Variants in RYR2 observed in about 807,000 individuals in gnomAD.
RYR2 encodes the protein ryanodine receptor 2, also known as cardiac muscle ryanodine receptor-calcium release channel.
In RYR2, 227 loss-of-function variants were observed where a neutral mutation model predicts 601.1. The ratio of observed to expected loss-of-function variants is 0.38; its 90% CI spans 0.34 to 0.42. The LOEUF (loss-of-function observed/expected upper bound fraction) is 0.42, where lower values mean the gene tolerates loss of function less well. RYR2 is among the 10% of genes least tolerant of loss of function. RYR2 has a pLI of 1.00. For missense variants in RYR2, 4,646 were observed against 6,156.5 expected (o/e 0.75, Z 8.21); for synonymous variants, 2,223 against 2,175.1 (o/e 1.02, Z -0.61).
chr1:237,522,819 A>G (rs60855732), intron 24 of RYR2, among the ~76,000 whole-genome samples: 3 of 152,160 alleles, frequency 2.0e-5, no homozygotes, highest in Non-Finnish European at 2.9e-5. Flanking sequence ...CTACATTACC[A>G]ATCCCTACTG....
At chr1:237,364,399 G>T (rs1007214961) in intron 5 of RYR2, 27 bp downstream of exon 5, 19 of 1,291,806 alleles carry the variant, frequency 1.5e-5, no homozygotes, top group African/African-American at 3.0e-5. Context: ...TATATGCTAT[G>T]TATATATATA....
intron 80 of RYR2, among the ~76,000 whole-genome samples, chr1:237,745,017 G>A (rs1691954191): frequency 6.6e-6 from 1 of 151,464 alleles, no homozygotes; most frequent in Non-Finnish European, 1.5e-5. Context: ...TGGCCACAAT[G>A]GTCTTTATCT....
At chr1:237,505,574 A>G (rs1026089372) in intron 22 of RYR2, among the ~76,000 whole-genome samples, 1 of 152,214 alleles carries the variant, frequency 6.6e-6, no homozygotes, top group Non-Finnish European at 1.5e-5. Context: ...GTGGGAGGAT[A>G]TGTATAGTGC....
At chr1:237,484,891 T>C (rs1002510113) in intron 17 of RYR2, among the ~76,000 whole-genome samples, 6 of 151,792 alleles carry the variant, frequency 4.0e-5, no homozygotes, top group African/African-American at 1.5e-4. Context: ...TCTAGACATT[T>C]AGTTACATCC....
chr1:237,775,691 T>C (rs1288339602), intron 87 of RYR2, among the ~76,000 whole-genome samples: 2 of 152,186 alleles, frequency 1.3e-5, no homozygotes, highest in Non-Finnish European at 2.9e-5. Context: ...TAAGAGGACG[T>C]TGTATTGTCA....
rs368599791 is a variant in RYR2, at chr1:237,784,538, G to A, written c.12826G>A (p.Val4276Met). Residue 4276 changes from valine to methionine, a missense_variant, in exon 90 of 105, where the codon GTG becomes ATG. By Grantham distance (21) the Val-to-Met change is conservative. Transcript: ENST00000366574. This position sits in a 1 kb window ranked among gnomAD's most constrained non-coding sequence, Gnocchi z 7.1. ...KQMKKVKKMT[V>M]KDMVTAFFSS... Reference sequence around the variant, plus strand: ...GATGAAAAAAGTAAAAAAGATGACCGTGAAGGACATGGTCACGGCCTTCTT... The same window carrying A: ...GATGAAAAAAGTAAAAAAGATGACCATGAAGGACATGGTCACGGCCTTCTT... 45 of 1,613,834 alleles carry A rather than the reference G, an allele frequency of 2.8e-5. No individual in the cohort carries two copies. The highest frequency in any genetic ancestry group is 6.7e-5 in the Admixed American group (4 of 60,020).
intron 10 of RYR2, among the ~76,000 whole-genome samples, chr1:237,394,157 G>C (rs559261721): frequency 6.6e-6 from 1 of 152,248 alleles, no homozygotes; most frequent in East Asian, 1.9e-4. Flanking sequence ...AAGAAAAAAA[G>C]AAAGAGAAGC....
chr1:237,465,684 A>G (rs901609216), intron 16 of RYR2, among the ~76,000 whole-genome samples: 2 of 152,158 alleles, frequency 1.3e-5, no homozygotes, highest in African/African-American at 4.8e-5. Flanking sequence ...CTGCGCGGCT[A>G]CGCTATACTG....
chr1:237,244,698 T>G, intron 1 of RYR2, among the ~76,000 whole-genome samples: 1 of 152,120 alleles, frequency 6.6e-6, no homozygotes, highest in East Asian at 1.9e-4. Flanking sequence ...TTCCTTTCTC[T>G]TTCTTTCTCT....
At chr1:237,498,205 A>G (rs1192346107) in intron 20 of RYR2, among the ~76,000 whole-genome samples, 2 of 152,078 alleles carry the variant, frequency 1.3e-5, no homozygotes. Context: ...AGGTATATAT[A>G]TATTTATGGG....
intron 1 of RYR2, among the ~76,000 whole-genome samples, chr1:237,111,665 T>C (rs1426471457): frequency 2.6e-5 from 4 of 151,160 alleles, no homozygotes; most frequent in African/African-American, 9.7e-5. Flanking sequence ...TAAATGGAAA[T>C]GGCAAAAGAA....
intron 12 of RYR2, among the ~76,000 whole-genome samples, 178 bp downstream of exon 12, chr1:237,423,426 A>G (rs1705793827): frequency 6.6e-6 from 1 of 152,198 alleles, no homozygotes; most frequent in Non-Finnish European, 1.5e-5. Context: ...TTTCTAAACC[A>G]TTAAAACCTG....
At chr1:237,124,107 G>A (rs1284054239) in intron 1 of RYR2, among the ~76,000 whole-genome samples, 1 of 152,170 alleles carries the variant, frequency 6.6e-6, no homozygotes, top group East Asian at 1.9e-4. Context: ...GGAGAACAGG[G>A]TTACGGTGAG....
intron 91 of RYR2, among the ~76,000 whole-genome samples, 197 bp downstream of exon 91, chr1:237,786,233 G>C (rs531312746): frequency 2.9e-4 from 44 of 152,248 alleles, no homozygotes; most frequent in African/African-American, 1.0e-3. Context: ...AGACGCCCCC[G>C]GGGCTGCCAG....
At chr1:237,087,757 T>TC (rs1666512961) in intron 1 of RYR2, among the ~76,000 whole-genome samples, 1 of 151,404 alleles carries the variant, frequency 6.6e-6, no homozygotes, top group Admixed American at 6.6e-5. Flanking sequence ...CCTCCTACAT[T>TC]CCCCCCTCCA....
chr1:237,308,879 C>T (rs930969690), intron 2 of RYR2, among the ~76,000 whole-genome samples: 2 of 152,168 alleles, frequency 1.3e-5, no homozygotes, highest in Non-Finnish European at 2.9e-5. Context: ...TTACAGAGAG[C>T]TGATTGGTCT....
intron 1 of RYR2, among the ~76,000 whole-genome samples, chr1:237,091,264 G>C (rs1666917330): frequency 6.6e-6 from 1 of 152,140 alleles, no homozygotes; most frequent in Non-Finnish European, 1.5e-5. Context: ...CAAGCAGGTT[G>C]TTTCAGGATT....
intron 27 of RYR2, among the ~76,000 whole-genome samples, chr1:237,564,310 G>A (rs1175415271): frequency 6.6e-6 from 1 of 151,940 alleles, no homozygotes; most frequent in Non-Finnish European, 1.5e-5. Context: ...TTGCTCTGTT[G>A]CCCAGGCTAG....
chr1:237,441,730 C>T (rs1370304838), intron 13 of RYR2, among the ~76,000 whole-genome samples: 1 of 152,070 alleles, frequency 6.6e-6, no homozygotes, highest in East Asian at 1.9e-4. Context: ...ATATACAGTG[C>T]CGTCTTCTGG....
Sources: gnomAD v4.1 joint callset for allele counts (sites outside exome capture counted in the v4.1 genomes callset) on GRCh38, gnomAD v4.1.1 for gene constraint, Gnocchi (gnomAD v3.1) non-coding constraint, MANE v1.5 for transcripts, NCBI Gene and HGNC (gene_info 2026-07-23, HGNC 2026-07-21) for gene names.